The following HMGXB3 variants were observed in gnomAD, a reference collection of about 807,000 sequenced individuals.
HMGXB3 encodes the protein HMG domain-containing protein 3.
A neutral mutation model predicts 121.5 loss-of-function variants in HMGXB3; 45 were observed. That is an observed-to-expected ratio of 0.37 (90% CI 0.29 to 0.47). HMGXB3 has a LOEUF of 0.47. Ranked by LOEUF, HMGXB3 falls within the 20% of genes least tolerant of loss-of-function variation. The pLI is 0.99. For synonymous variants in HMGXB3, 590 were observed against 624.1 expected (o/e 0.95, Z 0.81); for missense variants, 1,376 against 1,602.2 (o/e 0.86, Z 2.41).
At chr5:150,038,166 A>G (rs1756541956) in intron 13 of HMGXB3, among the ~76,000 whole-genome samples, 1 of 152,230 alleles carries the variant, frequency 6.6e-6, no homozygotes, top group Admixed American at 6.5e-5. Flanking sequence ...ATTCATCAAC[A>G]TCAGGCATTT....
At chr5:150,024,891 C>T (rs1331232824) in intron 7 of HMGXB3, among the ~76,000 whole-genome samples, 1 of 152,214 alleles carries the variant, frequency 6.6e-6, no homozygotes, top group Admixed American at 6.5e-5. Context: ...ACTTACACAT[C>T]TCTTCTTGTC....
intron 18 of HMGXB3, among the ~76,000 whole-genome samples, chr5:150,049,531 C>T (rs1039557249): frequency 1.3e-5 from 2 of 152,208 alleles, no homozygotes; most frequent in African/African-American, 4.8e-5. Context: ...ACTACTTTAA[C>T]AGAAGCTGTG....
intron 1 of HMGXB3, among the ~76,000 whole-genome samples, chr5:150,002,647 C>T (rs1392756126): frequency 6.6e-6 from 1 of 152,168 alleles, no homozygotes; most frequent in Non-Finnish European, 1.5e-5. Context: ...TGGTAAAAGT[C>T]CAATTTAGAA....
chr5:150,036,877 A>T lies in HMGXB3; in HGVS notation c.2225A>T (p.Tyr742Phe), dbSNP rs779652608. Residue 742 changes from tyrosine (Y) to phenylalanine (F), a missense_variant, in exon 12 of 20, where the codon TAT becomes TTT. Coordinates refer to ENST00000502717, the MANE Select transcript of HMGXB3 (RefSeq NM_014983.3). ...GAGCAAACCTCTTGGTCGAATTATT[A>T]TGAGTCTCCGTCCACGCAGTGCCTT... is the stretch of plus-strand genomic sequence containing the variant. ...TIEQTSWSNY[Y>F]ESPSTQCLLC... is the part of the protein sequence containing the mutation. 1.2e-5 allele frequency: 19 copies of T among 1,551,596 alleles called. No individual in the cohort carries two copies. The highest frequency in any genetic ancestry group is 2.0e-5 in the Admixed American group (1 of 50,976).
At chr5:150,048,347 G>A (rs1756809544) in intron 17 of HMGXB3, among the ~76,000 whole-genome samples, 1 of 152,232 alleles carries the variant, frequency 6.6e-6, no homozygotes. Context: ...CTGGCAGCTT[G>A]ATCAGCAGTC....
At chr5:150,045,887 CT>C (rs1204667061) in intron 16 of HMGXB3, among the ~76,000 whole-genome samples, 1 of 152,192 alleles carries the variant, frequency 6.6e-6, no homozygotes, top group Non-Finnish European at 1.5e-5. Context: ...TGTCCTCCAT[CT>C]TACATAGCAG....
intron 9 of HMGXB3, among the ~76,000 whole-genome samples, chr5:150,028,077 A>C (rs1756275561): frequency 6.6e-6 from 1 of 152,176 alleles, no homozygotes; most frequent in South Asian, 2.1e-4. Context: ...TTGGTTTTAT[A>C]CATTCTAGGG....
intron 1 of HMGXB3, 52 bp from the exon 2 acceptor site, chr5:150,004,799 C>A: frequency 7.8e-7 from 1 of 1,279,898 alleles, no homozygotes; most frequent in Non-Finnish European, 1.1e-6. Flanking sequence ...GAAGCTGCTG[C>A]CCCTCTTAGG....
chr5:150,010,506 T>G lies in HMGXB3; in HGVS notation c.708T>G (p.Ile236Met), dbSNP rs1487933648. ...SHQPYQTSLVIEETLVNGSPD... is the reference protein window; with the variant it reads ...SHQPYQTSLVMEETLVNGSPD... ...AACCTTACCAGACAAGCCTGGTAAT[T>G]GAAGAGACCTTGGTGAATGGCTCAC... The change falls in exon 4 of 20, where the codon ATT (isoleucine) becomes ATG (methionine). Residue 236 changes from isoleucine to methionine, a missense_variant. Coordinates refer to ENST00000502717, the MANE Select transcript of HMGXB3 (RefSeq NM_014983.3). 1.0e-5 allele frequency: 16 copies of G among 1,551,490 alleles called. No individual in the cohort carries two copies. The highest frequency in any genetic ancestry group is 1.3e-5 in the Non-Finnish European group (15 of 1,146,992).
At chr5:150,025,315 A>G (rs1326995877) in intron 7 of HMGXB3, among the ~76,000 whole-genome samples, 1 of 152,138 alleles carries the variant, frequency 6.6e-6, no homozygotes, top group African/African-American at 2.4e-5. Context: ...TCCCTGAGGA[A>G]GTTGTGTTCT....
At chr5:150,009,252 C>G (rs1283867630) in intron 3 of HMGXB3, among the ~76,000 whole-genome samples, 3 of 152,156 alleles carry the variant, frequency 2.0e-5, no homozygotes, top group African/African-American at 7.2e-5. Context: ...TTACTGTTTA[C>G]TAATTTTGTG....
In HMGXB3 at chr5:150,028,541, GTA is replaced by G. The variant is rs1554098997; in HGVS notation, c.1734+1442_1734+1443del. 7.1e-4 allele frequency among the ~76,000 whole-genome samples: 30 copies of G among 42,084 alleles called. No individual in the cohort carries two copies. The East Asian group carries it at 0.013, about 18-fold the overall frequency. 27.6% of individuals were successfully genotyped at this position (42,084 alleles called of 152,430 possible). A position where few individuals can be genotyped will look rare whatever the true frequency, so the allele number is the denominator to read the frequency against. ...TGTGTGTGTGTGTGTGTGTGTGTGT[GTA>G]TATATATATATATATATTTTTTTTT... On this transcript the variant is annotated intron_variant, in intron 9 of 19. Transcript: ENST00000502717.
Position 150,036,744 on chromosome 5 carries a change from C to A in HMGXB3, c.2092C>A (p.Gln698Lys). 1.3e-6 allele frequency: 2 copies of A among 1,551,702 alleles called. No individual in the cohort carries two copies. The highest frequency in any genetic ancestry group is 1.7e-6 in the Non-Finnish European group (2 of 1,147,016). Residue 698 changes from glutamine (Q) to lysine (K), a missense_variant, in exon 12 of 20, where the codon CAG becomes AAG. This residue lies in a region of HMGXB3 where 1,116 missense variants were observed against 1,369.0 expected (regional missense o/e 0.82). Coordinates refer to ENST00000502717, the MANE Select transcript of HMGXB3 (RefSeq NM_014983.3). ...ACTGCAGCTGCTGCGCAAAGTCCTG[C>A]AGATTCCTGAGAATGAGTCAGAGCT... Reference protein sequence around the residue: ...STLQLLRKVLQIPENESELAE... With the variant: ...STLQLLRKVLKIPENESELAE...
At chr5:150,016,478 C>T (rs1217890014) in intron 5 of HMGXB3, among the ~76,000 whole-genome samples, 1 of 152,070 alleles carries the variant, frequency 6.6e-6, no homozygotes, top group Non-Finnish European at 1.5e-5. Context: ...TTGTTGTGCC[C>T]TCTTGATAAA....
chr5:150,051,823 G>A lies in HMGXB3; in HGVS notation c.3510G>A (p.Arg1170=), dbSNP rs1290144618. 1 of 1,549,460 alleles carries A rather than the reference G, an allele frequency of 6.5e-7. No individual in the cohort carries two copies. Among genetic ancestry groups the A allele is most frequent in the South Asian group, 1.2e-5 (1 of 84,066 alleles). ...ACCCAGTCACCAAGACTGCCACGCG[G>A]CGCATCGTCCATGCAGGCCTACAGC... ...IQHPVTKTAT[R]RIVHAGLQPN... is the part of the protein sequence containing the mutation. The change falls in exon 20 of 20, where the codon CGG becomes CGA. Residue 1170 remains arginine (R), a synonymous_variant. Coordinates refer to ENST00000502717, the MANE Select transcript of HMGXB3 (RefSeq NM_014983.3).
chr5:150,050,990 G>A (rs1756874670), intron 19 of HMGXB3, among the ~76,000 whole-genome samples: 1 of 152,062 alleles, frequency 6.6e-6, no homozygotes. Context: ...CTTACATTTA[G>A]TTGACCATGG....
At chr5:150,021,548 A>G (rs545362854) in intron 6 of HMGXB3, 7 of 358,412 alleles carry the variant, frequency 2.0e-5, no homozygotes, top group African/African-American at 4.2e-5. Context: ...CTGGTAATCA[A>G]TGTATTAAAA....
chr5:150,021,158 C>T (rs1756083873), intron 6 of HMGXB3, among the ~76,000 whole-genome samples: 2 of 152,160 alleles, frequency 1.3e-5, no homozygotes, highest in African/African-American at 4.8e-5. Context: ...ATGTGTTCTG[C>T]AAGGATTACC....
At chr5:150,039,635 CT>C (rs1756580409) in intron 13 of HMGXB3, among the ~76,000 whole-genome samples, 1 of 151,548 alleles carries the variant, frequency 6.6e-6, no homozygotes, top group Non-Finnish European at 1.5e-5. Flanking sequence ...TTCTTTTGGT[CT>C]TTTTTGTTGA....
Sources: allele counts gnomAD v4.1 joint callset (sites outside exome capture counted in the v4.1 genomes callset), GRCh38; gene constraint gnomAD v4.1.1; regional missense constraint gnomAD v4.1.1; transcripts MANE v1.5; gene names NCBI Gene and HGNC (gene_info 2026-07-23, HGNC 2026-07-21).